The following SMURF2 variants were observed in gnomAD, a reference collection of about 807,000 sequenced individuals.
The protein encoded by SMURF2 is SMAD specific E3 ubiquitin protein ligase 2.
Under a neutral mutation model 109.6 loss-of-function variants are expected in SMURF2, and 48 were observed. The observed-to-expected ratio is 0.44, with a 90% CI of 0.35 to 0.56. The LOEUF is 0.56. Ranked by LOEUF, SMURF2 falls within the 20% of genes least tolerant of loss-of-function variation. The pLI is 0.01. For synonymous variants in SMURF2, 288 were observed against 317.1 expected (o/e 0.91, Z 0.97); for missense variants, 575 against 909.0 (o/e 0.63, Z 4.72).
chr17:64,627,868 A>C (rs1186333520), intron 1 of SMURF2, among the ~76,000 whole-genome samples: 1 of 152,204 alleles, frequency 6.6e-6, no homozygotes, highest in Admixed American at 6.5e-5. Flanking sequence ...ACAGTTCATG[A>C]TCTTTTGGCT....
At chr17:64,635,126 T>C (rs1396638805) in intron 1 of SMURF2, among the ~76,000 whole-genome samples, 1 of 152,002 alleles carries the variant, frequency 6.6e-6, no homozygotes, top group East Asian at 1.9e-4. Context: ...CAGAAGTTCA[T>C]GACCAGCCTG....
intron 1 of SMURF2, among the ~76,000 whole-genome samples, chr17:64,623,914 G>GT (rs1375614580): frequency 4.6e-5 from 7 of 152,172 alleles, no homozygotes; most frequent in Admixed American, 6.5e-5. Flanking sequence ...TAAGTTAAAC[G>GT]TAAGTTGTCT....
chr17:64,563,089 A>G, intron 10 of SMURF2, 123 bp from the exon 11 acceptor site: 1 of 847,854 alleles, frequency 1.2e-6, no homozygotes, highest in Non-Finnish European at 1.7e-6. Flanking sequence ...GCCTTAGTAG[A>G]ACATATACTT....
At chr17:64,621,986 A>AATAAT (rs57165402) in intron 1 of SMURF2, among the ~76,000 whole-genome samples, 2 of 130,996 alleles carry the variant, frequency 1.5e-5, no homozygotes, top group African/African-American at 5.6e-5. Context: ...TAATAATAAT[A>AATAAT]AAAAAAAGCA....
At chr17:64,660,430 G>A (rs1325594868) in intron 1 of SMURF2, among the ~76,000 whole-genome samples, 4 of 152,118 alleles carry the variant, frequency 2.6e-5, no homozygotes, top group African/African-American at 9.7e-5. Context: ...CTCCAATCCA[G>A]GTTTTCCATT....
intron 1 of SMURF2, among the ~76,000 whole-genome samples, chr17:64,656,807 C>CAGTTATCCTAAAACCAGTTATCCTAAAA (rs1189602813): frequency 6.6e-6 from 1 of 152,152 alleles, no homozygotes; most frequent in Non-Finnish European, 1.5e-5. Flanking sequence ...ATCCTAAAAC[C>CAGTTATCCTAAAACCAGTTATCCTAAAA]AGTCTTCATG....
chr17:64,550,335 T>C (rs1283220670), intron 16 of SMURF2, among the ~76,000 whole-genome samples: 2 of 152,232 alleles, frequency 1.3e-5, no homozygotes, highest in Non-Finnish European at 2.9e-5. Context: ...TTTGGGACCT[T>C]TAATAGAATT....
intron 1 of SMURF2, among the ~76,000 whole-genome samples, chr17:64,620,064 G>A (rs782597452): frequency 6.6e-6 from 1 of 152,022 alleles, no homozygotes; most frequent in Non-Finnish European, 1.5e-5. Flanking sequence ...TTTGACCTCC[G>A]TAGTGCTGTG....
At position 64,604,942 on chromosome 17, in the gene SMURF2, T is replaced by C. The variant is rs575128675; in HGVS notation, c.91+1660A>G. Among the ~76,000 whole-genome samples, 464 of 140,816 alleles carry C rather than the reference T, an allele frequency of 3.3e-3. 2 individuals carry two copies. The highest frequency in any genetic ancestry group is 0.011 in the African/African-American group (420 of 38,268). The allele number at this position is 140,816 out of a possible 152,430, so 92.4% of individuals were successfully genotyped here. A position where few individuals can be genotyped will look rare whatever the true frequency, so the allele number is the denominator to read the frequency against. On this transcript the variant is annotated intron_variant, in intron 2 of 18. Transcript: ENST00000262435. ...CTGGGCAACAGAGTGAGACTCCGTC[T>C]AAAAAAAAAAAAAGGAAAAGTGCTC...
chr17:64,636,046 A>G (rs931890931), intron 1 of SMURF2, among the ~76,000 whole-genome samples: 2 of 151,992 alleles, frequency 1.3e-5, no homozygotes, highest in Non-Finnish European at 2.9e-5. Flanking sequence ...TGTGGTTTTC[A>G]TTTTCATTTC....
chr17:64,627,210 G>A (rs1332584487), intron 1 of SMURF2, among the ~76,000 whole-genome samples: 1 of 151,216 alleles, frequency 6.6e-6, no homozygotes, highest in Non-Finnish European at 1.5e-5. Context: ...CACCTCCCGG[G>A]TTCAAGTGAT....
At chr17:64,635,967 C>A (rs1382915333) in intron 1 of SMURF2, among the ~76,000 whole-genome samples, 1 of 152,184 alleles carries the variant, frequency 6.6e-6, no homozygotes, top group Non-Finnish European at 1.5e-5. Context: ...AATTTCTCCA[C>A]ATCTTTGCTA....
At chr17:64,631,328 CAGAGAG>C (rs1282544902) in intron 1 of SMURF2, among the ~76,000 whole-genome samples, 2 of 65,022 alleles carry the variant, frequency 3.1e-5, no homozygotes, top group Non-Finnish European at 6.0e-5. Flanking sequence ...GAGAGAGAGA[CAGAGAG>C]AGAGAGACAG....
intron 13 of SMURF2, 62 bp downstream of exon 13, chr17:64,557,546 A>G: frequency 9.1e-7 from 1 of 1,095,570 alleles, no homozygotes; most frequent in Non-Finnish European, 1.4e-6. Context: ...AATAAACTAC[A>G]TTAACATGTA....
At chr17:64,597,797 T>C (rs1969839560) in intron 3 of SMURF2, among the ~76,000 whole-genome samples, 1 of 148,548 alleles carries the variant, frequency 6.7e-6, no homozygotes, top group Admixed American at 6.7e-5. Context: ...TACCTAAAAC[T>C]AAAAAAAGAA....
chr17:64,588,191 CA>C (rs1354244061), intron 5 of SMURF2, among the ~76,000 whole-genome samples: 2 of 151,192 alleles, frequency 1.3e-5, no homozygotes, highest in African/African-American at 4.9e-5. Flanking sequence ...GGTATACATT[CA>C]AGTAATAACA....
chr17:64,642,725 T>C (rs1970507376), intron 1 of SMURF2, among the ~76,000 whole-genome samples: 2 of 152,204 alleles, frequency 1.3e-5, no homozygotes, highest in Admixed American at 6.5e-5. Context: ...AATGAGTCTA[T>C]AGCTATAAAG....
chr17:64,603,339 T>C (rs1427348241), intron 2 of SMURF2, among the ~76,000 whole-genome samples: 3 of 152,128 alleles, frequency 2.0e-5, no homozygotes, highest in Non-Finnish European at 2.9e-5. Flanking sequence ...CCTAGCACTT[T>C]GAGAGGCCGA....
chr17:64,562,201 G>A (rs1442837300), intron 11 of SMURF2, among the ~76,000 whole-genome samples: 4 of 142,364 alleles, frequency 2.8e-5, no homozygotes, highest in Non-Finnish European at 4.5e-5. Context: ...GCTGAGGCAG[G>A]AGAATCGCTT....
Sources: allele counts gnomAD v4.1 joint callset (sites outside exome capture counted in the v4.1 genomes callset), GRCh38; gene constraint gnomAD v4.1.1; transcripts MANE v1.5; gene names NCBI Gene and HGNC (gene_info 2026-07-23, HGNC 2026-07-21).